The following CADM2 variants were observed in gnomAD, a reference collection of about 807,000 sequenced individuals.
The protein encoded by CADM2 is immunoglobulin superfamily member 4D.
A neutral mutation model predicts 49.8 loss-of-function variants in CADM2; 12 were observed. The ratio of observed to expected loss-of-function variants is 0.24; its 90% confidence interval spans 0.15 to 0.39. CADM2 has a LOEUF of 0.39. Among genes scored for constraint, CADM2 ranks in the 10% least tolerant of loss-of-function variants. The pLI is 1.00. For synonymous variants in CADM2, 214 were observed against 175.4 expected (o/e 1.22, Z -1.74); for missense variants, 378 against 492.3 (o/e 0.77, Z 2.20).
chr3:85,733,556 T>C (rs1417221234), intron 2 of CADM2, among the ~76,000 whole-genome samples: 1 of 152,170 alleles, frequency 6.6e-6, no homozygotes, highest in Non-Finnish European at 1.5e-5. Flanking sequence ...TAAAATAATA[T>C]TATTTCCAAT....
At chr3:85,558,266 C>T (rs181425514) in intron 1 of CADM2, among the ~76,000 whole-genome samples, 1 of 151,972 alleles carries the variant, frequency 6.6e-6, no homozygotes, top group Non-Finnish European at 1.5e-5. Flanking sequence ...GAGGAAGAAG[C>T]CTGACTCTAT....
chr3:85,796,476 A>G (rs1182219772), intron 2 of CADM2, among the ~76,000 whole-genome samples: 2 of 152,128 alleles, frequency 1.3e-5, no homozygotes, highest in African/African-American at 4.8e-5. Flanking sequence ...CCAGGAATTT[A>G]TTCCAGACAT....
chr3:85,536,576 C>G (rs976371521), intron 1 of CADM2, among the ~76,000 whole-genome samples: 1 of 151,648 alleles, frequency 6.6e-6, no homozygotes, highest in Non-Finnish European at 1.5e-5. Context: ...GATATTTACT[C>G]TGAGGTGGTT....
At chr3:85,847,715 A>C (rs2074939982) in intron 3 of CADM2, among the ~76,000 whole-genome samples, 1 of 152,172 alleles carries the variant, frequency 6.6e-6, no homozygotes, top group Non-Finnish European at 1.5e-5. Context: ...GGCTTCTATC[A>C]TATTGTTGAC....
chr3:85,422,304 C>A (rs1559831895), intron 1 of CADM2, among the ~76,000 whole-genome samples: 1 of 151,260 alleles, frequency 6.6e-6, no homozygotes, highest in Admixed American at 6.6e-5. Context: ...TTTTTTGAGA[C>A]AGAGTCTCTG....
intron 8 of CADM2, among the ~76,000 whole-genome samples, chr3:85,961,864 A>T (rs1330129732): frequency 6.6e-6 from 1 of 151,888 alleles, no homozygotes; most frequent in African/African-American, 2.4e-5. Flanking sequence ...TTTTTTTTGT[A>T]AAAAGCTTTC....
intron 3 of CADM2, among the ~76,000 whole-genome samples, chr3:85,871,779 G>A (rs2075940581): frequency 6.6e-6 from 1 of 152,040 alleles, no homozygotes; most frequent in South Asian, 2.1e-4. Flanking sequence ...TCTTTGATGA[G>A]ACATTAGGTT....
chr3:85,796,284 C>T (rs1308947462), intron 2 of CADM2, among the ~76,000 whole-genome samples: 1 of 152,140 alleles, frequency 6.6e-6, no homozygotes, highest in Non-Finnish European at 1.5e-5. Flanking sequence ...TATTTCTGAG[C>T]TCCTAATCTC....
chr3:85,973,411 T>G (rs1466550346), intron 8 of CADM2, among the ~76,000 whole-genome samples: 1 of 151,694 alleles, frequency 6.6e-6, no homozygotes, highest in African/African-American at 2.4e-5. Flanking sequence ...CCTACCACAT[T>G]GAAAGCATAG....
chr3:86,065,483 C>T (rs1373004521), intron 8 of CADM2, 122 bp from the exon 9 acceptor site: 2 of 938,250 alleles, frequency 2.1e-6, no homozygotes, highest in African/African-American at 1.7e-5. Context: ...TGGTGTAATG[C>T]ACGTTAATGT....
chr3:85,505,065 A>G (rs530607948), intron 1 of CADM2, among the ~76,000 whole-genome samples: 1 of 151,774 alleles, frequency 6.6e-6, no homozygotes, highest in Admixed American at 6.5e-5. Context: ...CTCCCTCCAC[A>G]CCTCCCTGCA....
At chr3:85,667,806 C>G (rs1252773391) in intron 1 of CADM2, among the ~76,000 whole-genome samples, 1 of 152,012 alleles carries the variant, frequency 6.6e-6, no homozygotes, top group Admixed American at 6.6e-5. Context: ...AGCTTAACTC[C>G]TTAAATCTCT....
chr3:84,994,048 T>C (rs1163594163), intron 1 of CADM2, among the ~76,000 whole-genome samples: 3 of 152,184 alleles, frequency 2.0e-5, no homozygotes, highest in Non-Finnish European at 2.9e-5. Flanking sequence ...AAAATGTGAA[T>C]AGGATGTTTC....
intron 1 of CADM2, among the ~76,000 whole-genome samples, chr3:85,023,866 T>A (rs1043535781): frequency 1.3e-5 from 2 of 152,076 alleles, no homozygotes; most frequent in Non-Finnish European, 2.9e-5. Flanking sequence ...TCTATGTGCT[T>A]AAGAATATTT....
intron 1 of CADM2, among the ~76,000 whole-genome samples, chr3:85,631,554 A>G: frequency 6.6e-6 from 1 of 152,058 alleles, no homozygotes; most frequent in East Asian, 1.9e-4. Context: ...CTTATCTGAA[A>G]ATATAGATAA....
In CADM2 at chr3:84,984,356, T is replaced by TAAAAAAAAAAAAAAAAA. The variant is rs375702349; in HGVS notation, c.61+24701_61+24717dup. ...CCTCATAGCCACCTCAAGATTAAGC[T>TAAAAAAAAAAAAAAAAA]AAAAAAAAAAAAAAAAAAAAAAAAA... On this transcript the variant is annotated intron_variant, in intron 1 of 9. Transcript: ENST00000383699. 2.5e-4 allele frequency among the ~76,000 whole-genome samples: 17 copies of TAAAAAAAAAAAAAAAAA among 67,062 alleles called. 1 individual carries two copies. The highest frequency in any genetic ancestry group is 1.2e-3 in the African/African-American group (16 of 13,330). The allele number at this position is 67,062 out of a possible 152,430, so 44.0% of individuals were successfully genotyped here.
At chr3:85,660,036 C>T (rs187797333) in intron 1 of CADM2, among the ~76,000 whole-genome samples, 1 of 152,216 alleles carries the variant, frequency 6.6e-6, no homozygotes, top group Admixed American at 6.6e-5. Flanking sequence ...AAATTGTCAA[C>T]TAGCTGACAG....
chr3:85,229,673 G>T (rs2042241278), intron 1 of CADM2, among the ~76,000 whole-genome samples: 1 of 152,174 alleles, frequency 6.6e-6, no homozygotes, highest in Non-Finnish European at 1.5e-5. Context: ...TGGCTACAAA[G>T]ATTAATAACA....
At chr3:85,867,009 AAGT>A (rs1290520556) in intron 3 of CADM2, among the ~76,000 whole-genome samples, 3 of 152,182 alleles carry the variant, frequency 2.0e-5, no homozygotes, top group Non-Finnish European at 2.9e-5. Context: ...ATTATGAAAA[AAGT>A]AGTCATTTCT....
Sources: allele counts gnomAD v4.1 joint callset (sites outside exome capture counted in the v4.1 genomes callset), GRCh38; gene constraint gnomAD v4.1.1; transcripts MANE v1.5; gene names NCBI Gene and HGNC (gene_info 2026-07-23, HGNC 2026-07-21).